Variants in AKAP6 observed in about 807,000 individuals in gnomAD.
The protein encoded by AKAP6 is A-kinase anchor protein 6.
A neutral mutation model predicts 188.5 loss-of-function variants in AKAP6; 58 were observed. The ratio of observed to expected loss-of-function variants is 0.31; its 90% confidence interval spans 0.25 to 0.38. The LOEUF (loss-of-function observed/expected upper bound fraction) is 0.38. Ranked by LOEUF, AKAP6 falls within the 10% of genes least tolerant of loss-of-function variation. AKAP6 has a pLI of 1.00. For synonymous variants in AKAP6, 989 were observed against 998.6 expected (o/e 0.99, Z 0.18); for missense variants, 2,710 against 2,740.0 (o/e 0.99, Z 0.24).
intron 12 of AKAP6, among the ~76,000 whole-genome samples, chr14:32,797,387 A>G (rs371295628): frequency 6.6e-6 from 1 of 152,226 alleles, no homozygotes; most frequent in South Asian, 2.1e-4. Context: ...GATAGACTAG[A>G]TAAAGAATAT....
chr14:32,700,012 A>AT (rs904302212), intron 9 of AKAP6, among the ~76,000 whole-genome samples: 3 of 152,168 alleles, frequency 2.0e-5, no homozygotes, highest in Non-Finnish European at 2.9e-5. Flanking sequence ...GAAAAGCTCC[A>AT]TTTTTTCATT....
Position 32,824,310 on chromosome 14 carries a change from G to C in AKAP6, c.6497G>C (p.Gly2166Ala). The change falls in exon 13 of 14, where the codon GGA (glycine) becomes GCA (alanine). Residue 2166 changes from glycine to alanine, a missense_variant. This residue lies in a region of AKAP6 where 2,473 missense variants were observed against 2,426.1 expected (regional missense o/e 1.02). Transcript: ENST00000280979. ...GCCTGTGTTGAGGGTGACTCTGATG[G>C]AGAGGAGCCTTGTTTCTCTAGTGCT... is the stretch of plus-strand genomic sequence containing the variant. ...FEACVEGDSD[G>A]EEPCFSSAPP... 13 of 1,613,822 alleles carry C rather than the reference G, an allele frequency of 8.1e-6. No homozygotes were observed. Among genetic ancestry groups the C allele is most frequent in the Non-Finnish European group, 1.1e-5 (13 of 1,179,906 alleles).
chr14:32,676,786 A>G (rs1889445409), intron 7 of AKAP6, among the ~76,000 whole-genome samples: 1 of 152,180 alleles, frequency 6.6e-6, no homozygotes, highest in Admixed American at 6.5e-5. Context: ...ATAAAAAGCA[A>G]CAACATAGGA....
At chr14:32,352,095 GTGTGTGTT>G (rs1243591686) in intron 1 of AKAP6, among the ~76,000 whole-genome samples, 20 of 114,730 alleles carry the variant, frequency 1.7e-4, no homozygotes, top group South Asian at 3.7e-4. Context: ...GTGTGTGTGT[GTGTGTGTT>G]TGTGTGTGTG....
intron 1 of AKAP6, among the ~76,000 whole-genome samples, chr14:32,400,039 C>T (rs1889031991): frequency 6.6e-6 from 1 of 152,108 alleles, no homozygotes; most frequent in Admixed American, 6.6e-5. Flanking sequence ...TCAGCAATGA[C>T]ATCTGGGAAT....
At chr14:32,813,398 CCCA>C (rs199531594) in intron 12 of AKAP6, among the ~76,000 whole-genome samples, 13 of 124,978 alleles carry the variant, frequency 1.0e-4, no homozygotes, top group African/African-American at 4.1e-4. Flanking sequence ...TACCCCCCCC[CCCA>C]ACCCCTTTCC....
intron 2 of AKAP6, among the ~76,000 whole-genome samples, chr14:32,444,604 G>T (rs946031122): frequency 2.6e-5 from 4 of 152,082 alleles, no homozygotes. Context: ...ATTAAATGGA[G>T]AAGGAATATG....
chr14:32,510,486 ATGTG>A lies in AKAP6; in HGVS notation c.325-25066_325-25063del, dbSNP rs1211398198. ...TGTATATATATATATACATATATAT[ATGTG>A]TATATATATATATATGAAGAATTAC... On this transcript the variant is annotated intron_variant, in intron 2 of 13. Coordinates refer to ENST00000280979, the MANE Select transcript of AKAP6 (RefSeq NM_004274.5). Among the ~76,000 whole-genome samples the A allele has an allele frequency of 2.8e-4, 34 of 122,394 alleles. 3 individuals are homozygous for A. The highest frequency in any genetic ancestry group is 9.5e-4 in the African/African-American group (27 of 28,392). The allele number at this position is 122,394 out of a possible 152,430, so 80.3% of individuals were successfully genotyped here. A position where few individuals can be genotyped will look rare whatever the true frequency, so the allele number is the denominator to read the frequency against.
rs34015837 is a variant in AKAP6, at chr14:32,741,819, G to GTTTT, written c.3372+5959_3372+5962dup. 1.8e-3 allele frequency among the ~76,000 whole-genome samples: 126 copies of GTTTT among 70,704 alleles called. 8 individuals are homozygous for GTTTT. Among genetic ancestry groups the GTTTT allele is most frequent in the African/African-American group, 5.1e-3 (95 of 18,578 alleles). The allele number at this position is 70,704 out of a possible 152,430, so 46.4% of individuals were successfully genotyped here. A position where few individuals can be genotyped will look rare whatever the true frequency, so the allele number is the denominator to read the frequency against. ...ATTTATCAGAGATATTAGCCTGTAG[G>GTTTT]TTTTTTTTTTTTTTTTTTTTTTTTT... On this transcript the variant is annotated intron_variant, in intron 11 of 13. Coordinates refer to ENST00000280979, the MANE Select transcript of AKAP6 (RefSeq NM_004274.5).
At chr14:32,603,997 G>A (rs1019952861) in intron 7 of AKAP6, among the ~76,000 whole-genome samples, 3 of 152,130 alleles carry the variant, frequency 2.0e-5, no homozygotes, top group Non-Finnish European at 4.4e-5. Context: ...TAAGGGACTT[G>A]AGATATGAAT....
chr14:32,420,655 T>C (rs1363431543), intron 1 of AKAP6, among the ~76,000 whole-genome samples: 2 of 152,158 alleles, frequency 1.3e-5, no homozygotes, highest in Non-Finnish European at 2.9e-5. Flanking sequence ...GTATGTTCAT[T>C]TACATCAGAT....
chr14:32,752,775 G>A (rs988181477), intron 11 of AKAP6, among the ~76,000 whole-genome samples: 2 of 152,072 alleles, frequency 1.3e-5, no homozygotes, highest in Non-Finnish European at 2.9e-5. Flanking sequence ...ATGAGATCAC[G>A]CAGTATTTGT....
At chr14:32,731,469 T>C (rs537280923) in intron 9 of AKAP6, among the ~76,000 whole-genome samples, 47 of 152,228 alleles carry the variant, frequency 3.1e-4, no homozygotes, top group African/African-American at 1.1e-3. Context: ...AGGGCACCGT[T>C]GGTCATGTAG....
At chr14:32,352,310 G>A (rs1276145220) in intron 1 of AKAP6, among the ~76,000 whole-genome samples, 1 of 151,228 alleles carries the variant, frequency 6.6e-6, no homozygotes, top group African/African-American at 2.4e-5. Context: ...TACATATTTG[G>A]GGGGTACAGT....
At chr14:32,676,379 A>G (rs1013294287) in intron 7 of AKAP6, among the ~76,000 whole-genome samples, 4 of 152,040 alleles carry the variant, frequency 2.6e-5, no homozygotes, top group Non-Finnish European at 1.5e-5. Context: ...TTATTCTTTC[A>G]GGTTTCATGA....
intron 1 of AKAP6, among the ~76,000 whole-genome samples, chr14:32,356,718 A>G (rs895138018): frequency 1.3e-5 from 2 of 151,782 alleles, no homozygotes; most frequent in African/African-American, 4.8e-5. Context: ...CCTTTACTCT[A>G]TGCCTTCTGC....
chr14:32,582,025 G>C (rs1284599830), intron 5 of AKAP6, among the ~76,000 whole-genome samples: 1 of 151,958 alleles, frequency 6.6e-6, no homozygotes, highest in Non-Finnish European at 1.5e-5. Context: ...GTGTGAATTT[G>C]ATCCTGTCAT....
intron 1 of AKAP6, among the ~76,000 whole-genome samples, chr14:32,345,835 C>T (rs1287828629): frequency 2.0e-5 from 3 of 152,192 alleles, no homozygotes; most frequent in South Asian, 4.1e-4. Context: ...CTGCAATAGC[C>T]CTCAGGAGAG....
chr14:32,505,252 T>C (rs1880811543), intron 2 of AKAP6, among the ~76,000 whole-genome samples: 1 of 151,882 alleles, frequency 6.6e-6, no homozygotes, highest in Non-Finnish European at 1.5e-5. Flanking sequence ...TCTTTCTATA[T>C]GACAAACCAC....
Sources: allele counts gnomAD v4.1 joint callset (sites outside exome capture counted in the v4.1 genomes callset), GRCh38; gene constraint gnomAD v4.1.1; regional missense constraint gnomAD v4.1.1; transcripts MANE v1.5; gene names NCBI Gene and HGNC (gene_info 2026-07-23, HGNC 2026-07-21).